Variants in PTPRT observed in about 807,000 individuals in gnomAD.
PTPRT encodes protein tyrosine phosphatase receptor type T, also known as receptor-type tyrosine-protein phosphatase T.
PTPRT carries 56 observed loss-of-function variants against 176.8 expected under a neutral mutation model. The ratio of observed to expected loss-of-function variants is 0.32; its 90% CI spans 0.26 to 0.40. The LOEUF is 0.40. Among genes scored for constraint, PTPRT ranks in the 10% least tolerant of loss-of-function variants. PTPRT has a pLI of 1.00. For synonymous variants in PTPRT, 783 were observed against 739.0 expected, an observed-to-expected ratio of 1.06 and a Z score of -0.96; for missense variants, 1,540 against 1,908.2, an observed-to-expected ratio of 0.81 and a Z score of 3.60.
intron 1 of PTPRT, among the ~76,000 whole-genome samples, chr20:42,939,130 C>T (rs1980389417): frequency 6.6e-6 from 1 of 152,210 alleles, no homozygotes; most frequent in Non-Finnish European, 1.5e-5. Flanking sequence ...TTGCATGGGT[C>T]AGACCTCTTA....
At chr20:42,915,579 C>A (rs886289812) in intron 1 of PTPRT, among the ~76,000 whole-genome samples, 1 of 152,160 alleles carries the variant, frequency 6.6e-6, no homozygotes, top group African/African-American at 2.4e-5. Context: ...AGGTGAATCA[C>A]GGCTACTCAG....
At chr20:42,746,874 T>C (rs1467209959) in intron 6 of PTPRT, among the ~76,000 whole-genome samples, 1 of 152,082 alleles carries the variant, frequency 6.6e-6, no homozygotes, top group Admixed American at 6.6e-5. Flanking sequence ...ATATGATCCA[T>C]ATGCAGGGCT....
At chr20:42,814,743 C>T (rs1433008123) in intron 2 of PTPRT, among the ~76,000 whole-genome samples, 3 of 152,110 alleles carry the variant, frequency 2.0e-5, no homozygotes, top group Admixed American at 6.6e-5. Flanking sequence ...AAGAATTCTC[C>T]TTGCAAATAA....
At chr20:42,600,675 C>T (rs773076896) in intron 7 of PTPRT, among the ~76,000 whole-genome samples, 43 of 152,138 alleles carry the variant, frequency 2.8e-4, no homozygotes, top group Middle Eastern at 3.4e-3. Context: ...TGTGTGAACC[C>T]GTTATTTAGC....
intron 1 of PTPRT, among the ~76,000 whole-genome samples, chr20:43,188,757 G>A (rs1022535804): frequency 1.3e-5 from 2 of 150,060 alleles, no homozygotes; most frequent in African/African-American, 4.9e-5. Context: ...CTTGGGGGGG[G>A]GGGGGCTCGG....
intron 9 of PTPRT, among the ~76,000 whole-genome samples, chr20:42,365,464 T>C (rs1211957667): frequency 6.6e-6 from 1 of 151,940 alleles, no homozygotes; most frequent in East Asian, 1.9e-4. Flanking sequence ...TGAAAAGGGA[T>C]TTTTCCCCAC....
chr20:43,035,247 G>A (rs759068920), intron 1 of PTPRT, among the ~76,000 whole-genome samples: 1 of 151,920 alleles, frequency 6.6e-6, no homozygotes, highest in Non-Finnish European at 1.5e-5. Flanking sequence ...CTCCCGCCTC[G>A]AAACCACCCA....
intron 9 of PTPRT, among the ~76,000 whole-genome samples, chr20:42,420,839 T>C (rs2059111982): frequency 6.6e-6 from 1 of 152,156 alleles, no homozygotes; most frequent in Non-Finnish European, 1.5e-5. Context: ...AACACTGTAG[T>C]GGGGTTTGGG....
intron 15 of PTPRT, among the ~76,000 whole-genome samples, chr20:42,204,383 G>A (rs1337254282): frequency 6.6e-6 from 1 of 152,140 alleles, no homozygotes; most frequent in Non-Finnish European, 1.5e-5. Context: ...CAAAACTCAA[G>A]TACTTATGAC....
At chr20:42,739,559 G>C (rs889268230) in intron 6 of PTPRT, among the ~76,000 whole-genome samples, 1 of 152,098 alleles carries the variant, frequency 6.6e-6, no homozygotes, top group Non-Finnish European at 1.5e-5. Flanking sequence ...AGAAAGATGG[G>C]GAAGTGTTAG....
In PTPRT at chr20:42,266,510, A is replaced by G. The variant is rs186349738; in HGVS notation, c.2176+15979T>C. On this transcript the variant is annotated intron_variant, in intron 13 of 30. Transcript: ENST00000373187. ...GACTGAGTTCTCTTAATGTTAATTAACTGGTCACTTCTCTACTGCAGCCTC... is the reference window on the plus strand; with the variant it reads ...GACTGAGTTCTCTTAATGTTAATTAGCTGGTCACTTCTCTACTGCAGCCTC... 1.8e-3 allele frequency among the ~76,000 whole-genome samples: 270 copies of G among 152,248 alleles called. 1 individual carries two copies. The highest frequency in any genetic ancestry group is 3.2e-3 in the Non-Finnish European group (217 of 68,012).
At chr20:43,142,774 G>A (rs142956420) in intron 1 of PTPRT, among the ~76,000 whole-genome samples, 142 of 152,318 alleles carry the variant, frequency 9.3e-4, no homozygotes, top group African/African-American at 2.6e-3. Flanking sequence ...AGGAGAAGCC[G>A]TGTTGACATG....
At chr20:42,984,618 T>C (rs1262161872) in intron 1 of PTPRT, among the ~76,000 whole-genome samples, 1 of 152,230 alleles carries the variant, frequency 6.6e-6, no homozygotes, top group South Asian at 2.1e-4. Context: ...GCACCTACTA[T>C]GGGCTGTCAT....
At chr20:42,941,129 G>A (rs1052586779) in intron 1 of PTPRT, among the ~76,000 whole-genome samples, 4 of 151,740 alleles carry the variant, frequency 2.6e-5, no homozygotes, top group South Asian at 2.1e-4. Context: ...TCTGTTATGC[G>A]GTTCTACCTT....
chr20:42,910,323 G>A (rs1331262654), intron 1 of PTPRT, among the ~76,000 whole-genome samples: 2 of 152,190 alleles, frequency 1.3e-5, no homozygotes, highest in Non-Finnish European at 2.9e-5. Flanking sequence ...ATAGAGCTGT[G>A]CCGCGGTTGG....
At chr20:43,037,889 C>A (rs911115457) in intron 1 of PTPRT, among the ~76,000 whole-genome samples, 1 of 152,166 alleles carries the variant, frequency 6.6e-6, no homozygotes, top group Admixed American at 6.5e-5. Flanking sequence ...TGATATCATA[C>A]CCTTGTTGGT....
At chr20:42,329,329 A>T (rs970166430) in intron 11 of PTPRT, among the ~76,000 whole-genome samples, 2 of 152,232 alleles carry the variant, frequency 1.3e-5, no homozygotes, top group Non-Finnish European at 2.9e-5. Flanking sequence ...GTGGGTAAAA[A>T]TAGCCAAGAA....
At chr20:42,582,257 T>G (rs957390745) in intron 7 of PTPRT, among the ~76,000 whole-genome samples, 2 of 152,094 alleles carry the variant, frequency 1.3e-5, no homozygotes, top group Non-Finnish European at 2.9e-5. Context: ...AGGCTTGGTG[T>G]GGAGGGCTGG....
intron 15 of PTPRT, among the ~76,000 whole-genome samples, chr20:42,227,800 G>T (rs1050397050): frequency 6.6e-6 from 1 of 151,678 alleles, no homozygotes; most frequent in Non-Finnish European, 1.5e-5. Flanking sequence ...GTAGAAACGG[G>T]GTTTCACCAT....
Sources: allele counts gnomAD v4.1 joint callset (sites outside exome capture counted in the v4.1 genomes callset), GRCh38; gene constraint gnomAD v4.1.1; transcripts MANE v1.5; gene names NCBI Gene and HGNC (gene_info 2026-07-23, HGNC 2026-07-21).